ASCC3: variants seen among roughly 807,000 people sequenced by gnomAD.
ASCC3 encodes the protein ASC-1 complex subunit P200.
In ASCC3, 158 loss-of-function variants were observed where a neutral mutation model predicts 256.3. The observed-to-expected ratio is 0.62, with a 90% CI of 0.54 to 0.70. ASCC3 has a LOEUF of 0.70. Among genes scored for constraint, ASCC3 ranks in the 30% least tolerant of loss-of-function variants. The probability of loss-of-function intolerance (pLI) is 0.00; values close to 1 mark genes in which losing one functional copy is unlikely to be tolerated. For missense variants in ASCC3, 2,259 were observed against 2,626.0 expected (o/e 0.86, Z 3.05); for synonymous variants, 948 against 883.4 (o/e 1.07, Z -1.30).
chr6:100,766,866 T>C (rs1055177743), intron 9 of ASCC3, among the ~76,000 whole-genome samples, 161 bp from the exon 10 acceptor site: 2 of 152,266 alleles, frequency 1.3e-5, no homozygotes, highest in Non-Finnish European at 2.9e-5. Flanking sequence ...CTTTGTGAGA[T>C]ATGTGTGTAG....
At chr6:100,700,140 A>C (rs888633717) in intron 13 of ASCC3, among the ~76,000 whole-genome samples, 10 of 152,162 alleles carry the variant, frequency 6.6e-5, no homozygotes, top group Admixed American at 2.0e-4. Context: ...AACCCATCAC[A>C]GGCCCAGAGG....
chr6:100,526,767 T>G (rs1477723050), intron 37 of ASCC3, among the ~76,000 whole-genome samples: 1 of 152,200 alleles, frequency 6.6e-6, no homozygotes, highest in Non-Finnish European at 1.5e-5. Flanking sequence ...TCATTTAGAA[T>G]TATTTGTTTT....
At chr6:100,678,018 AT>A (rs1777114570) in intron 14 of ASCC3, among the ~76,000 whole-genome samples, 1 of 152,148 alleles carries the variant, frequency 6.6e-6, no homozygotes, top group Non-Finnish European at 1.5e-5. Context: ...ACTATATTTG[AT>A]TTACACATAT....
chr6:100,713,057 G>A (rs113821065), intron 13 of ASCC3, among the ~76,000 whole-genome samples: 50 of 151,850 alleles, frequency 3.3e-4, no homozygotes, highest in African/African-American at 9.9e-4. Flanking sequence ...CATGCCCAGC[G>A]CAATTATACT....
chr6:100,723,860 T>TTTTATATATATA (rs1467127736), intron 11 of ASCC3, among the ~76,000 whole-genome samples: 1 of 110,246 alleles, frequency 9.1e-6, no homozygotes, highest in African/African-American at 3.3e-5. Flanking sequence ...TATTAGGGAA[T>TTTTATATATATA]TATATATATA....
In ASCC3 at chr6:100,512,765, C is replaced by A. The variant is rs1314489058; in HGVS notation, c.6229G>T (p.Asp2077Tyr). 5 of 1,614,076 alleles carry A rather than the reference C, an allele frequency of 3.1e-6. No homozygotes were observed. In the East Asian group the frequency reaches 6.7e-5, roughly 22 times the overall value. The stretch of plus-strand genomic sequence containing the variant: ...CTCACTTGAAGCACATACTCTTGGT[C>A]AGCATGCAATTTGATCCATTTGTTG... ...DDNKWIKLHA[D>Y]QEYVLQVSLQ... The change falls in exon 40 of 42, where the codon GAC becomes TAC. Residue 2077 changes from aspartate (D) to tyrosine (Y), a missense_variant. By Grantham distance (160) the Asp-to-Tyr change is radical (BLOSUM62 -3). This residue lies in a region of ASCC3 where 1,839 missense variants were observed against 2,206.7 expected (regional missense o/e 0.83). Transcript: ENST00000369162.
At chr6:100,608,269 A>G (rs1322098540) in intron 30 of ASCC3, among the ~76,000 whole-genome samples, 1 of 69,164 alleles carries the variant, frequency 1.4e-5, no homozygotes, top group East Asian at 6.6e-4. Flanking sequence ...TATACTTTAT[A>G]TATATACTTT....
intron 36 of ASCC3, among the ~76,000 whole-genome samples, chr6:100,572,907 T>C (rs1434589064): frequency 1.3e-5 from 2 of 152,268 alleles, no homozygotes; most frequent in South Asian, 4.1e-4. Flanking sequence ...ATATCTTACA[T>C]GTCAATGCTT....
intron 33 of ASCC3, among the ~76,000 whole-genome samples, chr6:100,605,023 T>C (rs531367678): frequency 5.9e-5 from 9 of 152,246 alleles, no homozygotes; most frequent in African/African-American, 1.4e-4. Flanking sequence ...AAAAGAGGTA[T>C]AGGATGATTC....
chr6:100,565,565 T>C (rs1314006400), intron 36 of ASCC3, among the ~76,000 whole-genome samples: 2 of 152,178 alleles, frequency 1.3e-5, no homozygotes, highest in African/African-American at 4.8e-5. Flanking sequence ...TGCTTTTTTA[T>C]TTGGAGGTAG....
At chr6:100,575,454 G>T (rs755969855) in intron 36 of ASCC3, among the ~76,000 whole-genome samples, 2 of 151,970 alleles carry the variant, frequency 1.3e-5, no homozygotes, top group Non-Finnish European at 2.9e-5. Context: ...TATACAGGCA[G>T]AGCAAAGAAT....
At chr6:100,681,645 T>G (rs1052896022) in intron 13 of ASCC3, among the ~76,000 whole-genome samples, 1 of 140,542 alleles carries the variant, frequency 7.1e-6, no homozygotes, top group African/African-American at 2.7e-5. Flanking sequence ...GAGAATCGCT[T>G]GAACCTGGGA....
Position 100,640,962 on chromosome 6 carries a change from G to A in ASCC3, c.3901+1619C>T, listed in dbSNP as rs189708698. On this transcript the variant is annotated intron_variant, in intron 24 of 41. Coordinates refer to ENST00000369162, the MANE Select transcript of ASCC3 (RefSeq NM_006828.4). ...ATTTTTATTCTGAAAATGACAAAGG[G>A]TTTCTCTTTGGAAGAACCATATGAG... Among the ~76,000 whole-genome samples the A allele has an allele frequency of 7.9e-5, 12 of 152,088 alleles. No homozygotes were observed. In the East Asian group the frequency reaches 1.9e-3, roughly 24 times the overall value.
intron 36 of ASCC3, among the ~76,000 whole-genome samples, chr6:100,558,732 A>G (rs544778785): frequency 1.6e-4 from 24 of 152,244 alleles, no homozygotes; most frequent in African/African-American, 5.8e-4. Flanking sequence ...AATCATTACT[A>G]CCTCGACTTA....
At chr6:100,867,426 CTT>C (rs927426778) in intron 2 of ASCC3, among the ~76,000 whole-genome samples, 13 of 152,060 alleles carry the variant, frequency 8.5e-5, no homozygotes, top group African/African-American at 2.9e-4. Flanking sequence ...TCTTAAATGC[CTT>C]TCTTACCAAT....
chr6:100,563,593 T>G (rs889514307), intron 36 of ASCC3, among the ~76,000 whole-genome samples: 1 of 152,100 alleles, frequency 6.6e-6, no homozygotes, highest in African/African-American at 2.4e-5. Context: ...TGGATTAGCA[T>G]GAGCTTCATG....
chr6:100,840,496 T>TC (rs1267375860), intron 4 of ASCC3, among the ~76,000 whole-genome samples: 1 of 66,580 alleles, frequency 1.5e-5, no homozygotes, highest in African/African-American at 3.3e-5. Flanking sequence ...GGCTTTTTTT[T>TC]TTTTTTTTTT....
At chr6:100,866,346 T>C (rs1451263924) in intron 2 of ASCC3, among the ~76,000 whole-genome samples, 2 of 152,258 alleles carry the variant, frequency 1.3e-5, no homozygotes, top group Non-Finnish European at 2.9e-5. Context: ...CTCTTTTGTT[T>C]CTTGTGCCTT....
In ASCC3 at chr6:100,509,187, A is replaced by G; in HGVS notation, c.*199T>C. 1 of 642,942 alleles carries G rather than the reference A, an allele frequency of 1.6e-6. No homozygotes were observed. Among genetic ancestry groups the G allele is most frequent in the South Asian group, 1.8e-5 (1 of 54,814 alleles). 39.8% of individuals were successfully genotyped at this position (642,942 alleles called of 1,614,324 possible). ...AAGAAACTCATAAAGATAACATTATAAAAGGCAACATTTGTTAAAAGGCCA... is the reference window on the plus strand; with the variant it reads ...AAGAAACTCATAAAGATAACATTATGAAAGGCAACATTTGTTAAAAGGCCA... On this transcript the variant is annotated 3_prime_UTR_variant, in exon 42 of 42. Coordinates refer to ENST00000369162, the MANE Select transcript of ASCC3 (RefSeq NM_006828.4).
Sources: gnomAD v4.1 joint callset for allele counts (sites outside exome capture counted in the v4.1 genomes callset) on GRCh38, gnomAD v4.1.1 for gene constraint, gnomAD v4.1.1 regional missense constraint, MANE v1.5 for transcripts, NCBI Gene and HGNC (gene_info 2026-07-23, HGNC 2026-07-21) for gene names.